Variants in FILIP1 observed in about 807,000 individuals in gnomAD.
FILIP1 encodes filamin A interacting protein 1.
Under a neutral mutation model 102.1 loss-of-function variants are expected in FILIP1, and 61 were observed. The ratio of observed to expected loss-of-function variants is 0.60; its 90% confidence interval spans 0.49 to 0.74. The LOEUF (loss-of-function observed/expected upper bound fraction) is 0.74, where lower values mean the gene tolerates loss of function less well. FILIP1 is among the 30% of genes least tolerant of loss of function. The pLI, the probability that FILIP1 is intolerant of heterozygous loss-of-function variation, is 0.00. For synonymous variants in FILIP1, 491 were observed against 526.9 expected, an observed-to-expected ratio of 0.93 and a Z score of 0.93; for missense variants, 1,314 against 1,441.2, an observed-to-expected ratio of 0.91 and a Z score of 1.43.
chr6:75,375,508 G>C (rs1235458906), intron 2 of FILIP1, among the ~76,000 whole-genome samples: 1 of 152,126 alleles, frequency 6.6e-6, no homozygotes, highest in Non-Finnish European at 1.5e-5. Flanking sequence ...AACATGTGTG[G>C]GTCATTTTCT....
intron 2 of FILIP1, among the ~76,000 whole-genome samples, chr6:75,411,232 T>G (rs1184093669): frequency 6.6e-6 from 1 of 152,232 alleles, no homozygotes; most frequent in Admixed American, 6.5e-5. Flanking sequence ...TTGAAAAATG[T>G]CTGTTCATAT....
intron 2 of FILIP1, among the ~76,000 whole-genome samples, chr6:75,406,541 C>T (rs1396795530): frequency 6.6e-6 from 1 of 152,064 alleles, no homozygotes; most frequent in Non-Finnish European, 1.5e-5. Context: ...GCTCTTTCTT[C>T]ATGATTGTTG....
intron 2 of FILIP1, among the ~76,000 whole-genome samples, chr6:75,412,138 TG>T (rs1298958170): frequency 1.1e-4 from 17 of 152,200 alleles, no homozygotes; most frequent in African/African-American, 3.9e-4. Flanking sequence ...TCACATCCCT[TG>T]TAAGTTGTAT....
chr6:75,376,695 G>A (rs13203246), intron 2 of FILIP1, among the ~76,000 whole-genome samples: 8,122 of 152,122 alleles, frequency 0.053, 297 homozygotes, highest in Non-Finnish European at 0.076. Flanking sequence ...ATAAGTTAAA[G>A]ACTAAGACAT....
At chr6:75,414,630 T>C in intron 2 of FILIP1, 67 bp downstream of exon 2, 2 of 1,438,912 alleles carry the variant, frequency 1.4e-6, no homozygotes. Context: ...GGGAACAGAT[T>C]TACATTCTCT....
chr6:75,326,046 T>C (rs776885770), intron 4 of FILIP1, among the ~76,000 whole-genome samples: 6 of 151,602 alleles, frequency 4.0e-5, no homozygotes, highest in Non-Finnish European at 7.4e-5. Flanking sequence ...AGGTGAGATA[T>C]AGATAATAGA....
In FILIP1 at chr6:75,414,747, A is replaced by G; in HGVS notation, c.226T>C (p.Ser76Pro). The change falls in exon 2 of 6, where the codon TCC becomes CCC. Residue 76 changes from serine to proline, a missense_variant. Ser to Pro is a moderately conservative substitution (Grantham distance 74, BLOSUM62 -1). Around this residue, in one of 3 missense-constraint regions of FILIP1, gnomAD observed 494 missense variants for 511.2 expected, o/e 0.97. Transcript: ENST00000237172. Reference sequence around the variant, plus strand: ...AGTAGTTGGATGAGGTCTTCTTTGGATAACTCCAGGGATTTCTTAGTTTTT... The same window carrying G: ...AGTAGTTGGATGAGGTCTTCTTTGGGTAACTCCAGGGATTTCTTAGTTTTT... The part of the protein sequence containing the change: ...ERKTKKSLEL[S>P]KEDLIQLLSI... 6.2e-7 allele frequency: 1 copy of G among 1,613,886 alleles called. No individual in the cohort carries two copies. Among genetic ancestry groups the G allele is most frequent in the African/African-American group, 1.3e-5 (1 of 75,026 alleles).
At chr6:75,380,484 T>C (rs1582420130) in intron 2 of FILIP1, among the ~76,000 whole-genome samples, 1 of 152,168 alleles carries the variant, frequency 6.6e-6, no homozygotes, top group African/African-American at 2.4e-5. Context: ...TAATAGTTAT[T>C]GCAAGTGAGA....
intron 4 of FILIP1, among the ~76,000 whole-genome samples, chr6:75,315,524 A>G (rs2149553299): frequency 1.3e-5 from 2 of 152,344 alleles, no homozygotes; most frequent in East Asian, 3.9e-4. Flanking sequence ...ATCTTTCTGC[A>G]TATGTATTAT....
intron 1 of FILIP1, among the ~76,000 whole-genome samples, chr6:75,449,530 C>T (rs1778552634): frequency 6.6e-6 from 1 of 151,982 alleles, no homozygotes; most frequent in Admixed American, 6.6e-5. Flanking sequence ...GCCTGTAATC[C>T]CAGCTACTCA....
At chr6:75,296,245 A>G (rs543686029) in intron 6 of FILIP1, among the ~76,000 whole-genome samples, 1 of 151,840 alleles carries the variant, frequency 6.6e-6, no homozygotes, top group East Asian at 1.9e-4. Context: ...CTATATACAA[A>G]CCCCTTAATG....
intron 2 of FILIP1, among the ~76,000 whole-genome samples, chr6:75,414,442 C>T (rs900003231): frequency 2.0e-5 from 3 of 152,068 alleles, no homozygotes; most frequent in African/African-American, 7.2e-5. Flanking sequence ...AAATCACCAC[C>T]AAAATCATAT....
intron 6 of FILIP1, among the ~76,000 whole-genome samples, chr6:75,299,021 A>T (rs1332033936): frequency 1.3e-5 from 2 of 152,096 alleles, no homozygotes; most frequent in Non-Finnish European, 2.9e-5. Context: ...AAAAAAAATT[A>T]AATAAATTTT....
intron 2 of FILIP1, among the ~76,000 whole-genome samples, chr6:75,414,299 GA>G (rs1777177946): frequency 6.6e-6 from 1 of 151,700 alleles, no homozygotes. Flanking sequence ...CTACCTCCTA[GA>G]AAAAAGCAAA....
intron 1 of FILIP1, among the ~76,000 whole-genome samples, chr6:75,472,663 AATTC>A (rs1464934148): frequency 6.6e-6 from 1 of 152,168 alleles, no homozygotes. Context: ...AACAGAGAAT[AATTC>A]ATGAATGTAC....
At chr6:75,374,286 G>A (rs113818557) in intron 2 of FILIP1, among the ~76,000 whole-genome samples, 1,700 of 152,316 alleles carry the variant, frequency 0.011, 38 homozygotes, top group African/African-American at 0.039. Context: ...GTTCTATGCT[G>A]ATAAAGACCT....
rs149763322 is a variant in FILIP1, at chr6:75,415,058, T to C, written c.-6-80A>G. On this transcript the variant is annotated intron_variant, in intron 1 of 5. Transcript: ENST00000237172. ...TTTTGCCTAAATACTTAGAAACTTA[T>C]AGCAGCTTTACCACATCGCCAATAA... 6.5e-5 allele frequency: 87 copies of C among 1,333,444 alleles called. No individual in the cohort carries two copies. The African/African-American group carries it at 1.2e-3, about 18-fold the overall frequency. 82.6% of individuals were successfully genotyped at this position (1,333,444 alleles called of 1,614,324 possible).
chr6:75,437,239 G>A (rs1191244021), intron 1 of FILIP1, among the ~76,000 whole-genome samples: 3 of 152,160 alleles, frequency 2.0e-5, no homozygotes, highest in African/African-American at 7.2e-5. Flanking sequence ...TGGAAAAGGA[G>A]GAAAAAATCA....
At chr6:75,319,757 G>A (rs1773580202) in intron 4 of FILIP1, 4 of 309,796 alleles carry the variant, frequency 1.3e-5, no homozygotes, top group African/African-American at 2.2e-5. Context: ...GTGAACCCGG[G>A]GGGCGGAGCT....
Sources: allele counts gnomAD v4.1 joint callset (sites outside exome capture counted in the v4.1 genomes callset), GRCh38; gene constraint gnomAD v4.1.1; regional missense constraint gnomAD v4.1.1; transcripts MANE v1.5; gene names NCBI Gene and HGNC (gene_info 2026-07-23, HGNC 2026-07-21).